Variants in PRKN observed in about 807,000 individuals in gnomAD.
PRKN encodes the protein E3 ubiquitin-protein ligase parkin.
Under a neutral mutation model 59.5 loss-of-function variants are expected in PRKN, and 56 were observed. The ratio of observed to expected loss-of-function variants is 0.94; its 90% CI spans 0.76 to 1.18. PRKN has a LOEUF of 1.18. PRKN is among the 50% of genes most tolerant of loss of function. The pLI is 0.00. For synonymous variants in PRKN, 250 were observed against 222.1 expected, an observed-to-expected ratio of 1.13 and a Z score of -1.12; for missense variants, 657 against 596.4, an observed-to-expected ratio of 1.10 and a Z score of -1.06.
chr6:162,692,825 G>T (rs1777831846), intron 1 of PRKN, among the ~76,000 whole-genome samples: 1 of 152,020 alleles, frequency 6.6e-6, no homozygotes. Context: ...TTTTATAATA[G>T]ATTTTATGAT....
intron 7 of PRKN, among the ~76,000 whole-genome samples, chr6:161,763,429 T>C (rs1390705979): frequency 2.6e-5 from 4 of 151,470 alleles, no homozygotes; most frequent in African/African-American, 7.3e-5. Flanking sequence ...TCTTCTTATA[T>C]TAGCTTTAGT....
intron 7 of PRKN, among the ~76,000 whole-genome samples, chr6:161,742,545 G>C (rs1325519894): frequency 6.6e-6 from 1 of 152,058 alleles, no homozygotes; most frequent in African/African-American, 2.4e-5. Flanking sequence ...ACACCTCCAG[G>C]GTCTTCCCAT....
At chr6:161,833,242 A>G (rs1038073595) in intron 6 of PRKN, among the ~76,000 whole-genome samples, 1 of 152,064 alleles carries the variant, frequency 6.6e-6, no homozygotes, top group South Asian at 2.1e-4. Flanking sequence ...GATCCCTGGA[A>G]TGGGGCACCG....
rs563681253 is a variant in PRKN at position 162,296,731 on chromosome 6, A to G, written c.172-33966T>C. ...CCAATTAATTTACGTATTTAAGAAAATTTTCTTACTTGAGGACAAAAATTA... is the reference window on the plus strand; with the variant it reads ...CCAATTAATTTACGTATTTAAGAAAGTTTTCTTACTTGAGGACAAAAATTA... On this transcript the variant is annotated intron_variant, in intron 2 of 11. Coordinates refer to ENST00000366898, the MANE Select transcript of PRKN (RefSeq NM_004562.3). 2.0e-4 allele frequency among the ~76,000 whole-genome samples: 30 copies of G among 152,212 alleles called. No individual in the cohort carries two copies. The South Asian group carries it at 6.2e-3, about 32-fold the overall frequency.
At chr6:162,314,699 A>C (rs771862385) in intron 2 of PRKN, among the ~76,000 whole-genome samples, 7 of 152,156 alleles carry the variant, frequency 4.6e-5, no homozygotes, top group Non-Finnish European at 8.8e-5. Context: ...TTAGATGTTC[A>C]CTATCAACCC....
chr6:161,715,724 C>T (rs907782656), intron 7 of PRKN, among the ~76,000 whole-genome samples: 5 of 152,082 alleles, frequency 3.3e-5, no homozygotes, highest in South Asian at 2.1e-4. Context: ...TGACAGAGGA[C>T]GTTACATAGC....
chr6:162,364,083 C>A (rs1024856035), intron 2 of PRKN, among the ~76,000 whole-genome samples: 12 of 152,204 alleles, frequency 7.9e-5, no homozygotes, highest in African/African-American at 2.7e-4. Flanking sequence ...AGACTCACGT[C>A]TTCCACCAGC....
At position 161,582,959 on chromosome 6, in the gene PRKN, A is replaced by G. The variant is rs1348239412; in HGVS notation, c.872-13543T>C. ...TTCCAACCAGCATCTTTCCAGTGAG[A>G]TGGCCTATTCCAACACACACACACA... is the stretch of plus-strand genomic sequence containing the variant. On this transcript the variant is annotated intron_variant, in intron 7 of 11. Transcript: ENST00000366898. This position sits in a 1 kb window ranked among gnomAD's most constrained non-coding sequence, Gnocchi z 4.4. 6.9e-6 allele frequency among the ~76,000 whole-genome samples: 1 copy of G among 144,414 alleles called. No individual in the cohort carries two copies. The highest frequency in any genetic ancestry group is 7.2e-5 in the Admixed American group (1 of 13,906). 94.7% of individuals were successfully genotyped at this position (144,414 alleles called of 152,430 possible).
At chr6:161,567,485 C>T (rs988206447) in intron 8 of PRKN, among the ~76,000 whole-genome samples, 2 of 151,980 alleles carry the variant, frequency 1.3e-5, no homozygotes, top group African/African-American at 4.8e-5. Context: ...ATCCCTGTAA[C>T]CTAGGATGGT....
chr6:162,316,274 A>C (rs1277431139), intron 2 of PRKN, among the ~76,000 whole-genome samples: 2 of 151,466 alleles, frequency 1.3e-5, no homozygotes, highest in African/African-American at 4.8e-5. Flanking sequence ...CCACAGCCGG[A>C]TGTGATAGAG....
intron 2 of PRKN, among the ~76,000 whole-genome samples, chr6:162,323,420 T>TA (rs35144813): frequency 1.3e-5 from 2 of 149,962 alleles, no homozygotes; most frequent in Non-Finnish European, 1.5e-5. Flanking sequence ...ACTGTCAAAA[T>TA]AAAAAAAATT....
intron 10 of PRKN, among the ~76,000 whole-genome samples, chr6:161,364,183 A>G (rs113673687): frequency 2.8e-3 from 401 of 144,528 alleles, no homozygotes; most frequent in Non-Finnish European, 2.5e-3. Flanking sequence ...AAAAAAAAAA[A>G]AAAAGAAAAG....
At chr6:161,673,459 G>A (rs1784980309) in intron 7 of PRKN, among the ~76,000 whole-genome samples, 3 of 152,278 alleles carry the variant, frequency 2.0e-5, no homozygotes, top group East Asian at 3.9e-4. Context: ...TTGAGAGAAA[G>A]GCTTGAAAGG....
chr6:162,170,182 G>A (rs958536654), intron 4 of PRKN, among the ~76,000 whole-genome samples: 8 of 152,114 alleles, frequency 5.3e-5, no homozygotes, highest in African/African-American at 1.9e-4. Context: ...CCTTCTGAGG[G>A]ATGAGGGTCT....
intron 1 of PRKN, among the ~76,000 whole-genome samples, chr6:162,639,844 C>T (rs900997945): frequency 2.6e-5 from 4 of 152,078 alleles, no homozygotes; most frequent in African/African-American, 9.7e-5. Flanking sequence ...ACACAGGCCT[C>T]GAGTTTGATC....
Position 161,533,773 on chromosome 6 carries a change from A to C in PRKN, c.1083+15081T>G, listed in dbSNP as rs1779309442. Among the ~76,000 whole-genome samples, 1 of 151,322 alleles carries C rather than the reference A, an allele frequency of 6.6e-6. No homozygotes were observed. Among genetic ancestry groups the C allele is most frequent in the Non-Finnish European group, 1.5e-5 (1 of 67,530 alleles). On this transcript the variant is annotated intron_variant, in intron 9 of 11. Transcript: ENST00000366898. The surrounding 1 kb of genome is among the most constrained non-coding windows in gnomAD (Gnocchi z 4.1). ...CCTCTCTCCTTTCTTCCGCCTGTTA[A>C]ACTTTCCACTCCTTAACCCACCCAC...
In PRKN at chr6:161,545,206, A is replaced by T; in HGVS notation, c.1083+3648T>A. ...TAAGAGTTGTACTTTTTCTATCTTG[A>T]TAATTGAGGGAAAAAAAAATTAAGC... On this transcript the variant is annotated intron_variant, in intron 9 of 11. Transcript: ENST00000366898. This position sits in a 1 kb window ranked among gnomAD's most constrained non-coding sequence, Gnocchi z 4.1. 7.3e-7 allele frequency: 1 copy of T among 1,360,778 alleles called. No individual in the cohort carries two copies. The highest frequency in any genetic ancestry group is 3.3e-5 in the Admixed American group (1 of 30,262). 84.3% of individuals were successfully genotyped at this position (1,360,778 alleles called of 1,614,324 possible). A position where few individuals can be genotyped will look rare whatever the true frequency, so the allele number is the denominator to read the frequency against.
intron 9 of PRKN, among the ~76,000 whole-genome samples, chr6:161,535,920 C>T (rs1037725392): frequency 1.3e-5 from 2 of 151,508 alleles, no homozygotes; most frequent in African/African-American, 4.8e-5. Flanking sequence ...TATAATGGAG[C>T]CTACTACAAT....
At chr6:161,500,316 A>T (rs527632509) in intron 9 of PRKN, among the ~76,000 whole-genome samples, 1 of 152,172 alleles carries the variant, frequency 6.6e-6, no homozygotes, top group Admixed American at 6.5e-5. Context: ...ACACATCATC[A>T]CCCAAAGTCC....
Sources: gnomAD v4.1 joint callset for allele counts (sites outside exome capture counted in the v4.1 genomes callset) on GRCh38, gnomAD v4.1.1 for gene constraint, Gnocchi (gnomAD v3.1) non-coding constraint, MANE v1.5 for transcripts, NCBI Gene and HGNC (gene_info 2026-07-23, HGNC 2026-07-21) for gene names.